AKAP7: variants seen among roughly 807,000 people sequenced by gnomAD.
The protein encoded by AKAP7 is A-kinase anchoring protein 7.
In AKAP7, 39 loss-of-function variants were observed where a neutral mutation model predicts 39.5. The ratio of observed to expected loss-of-function variants is 0.99; its 90% CI spans 0.76 to 1.29. AKAP7 has a LOEUF of 1.29. Ranked by LOEUF, AKAP7 falls within the 50% of genes most tolerant of loss-of-function variation. The pLI is 0.00. For missense variants in AKAP7, 414 were observed against 407.7 expected (o/e 1.02, Z -0.13); for synonymous variants, 140 against 139.1 (o/e 1.01, Z -0.05).
intron 2 of AKAP7, among the ~76,000 whole-genome samples, chr6:131,150,741 G>A (rs755327142): frequency 2.0e-5 from 3 of 152,198 alleles, no homozygotes; most frequent in Non-Finnish European, 4.4e-5. Flanking sequence ...AGTTCAGCTA[G>A]TGTGTACTTT....
intron 6 of AKAP7, among the ~76,000 whole-genome samples, chr6:131,207,424 A>G (rs894459062): frequency 6.8e-6 from 1 of 147,712 alleles, no homozygotes; most frequent in African/African-American, 2.5e-5. Context: ...GGCTCAAATG[A>G]TCCTCCTGCC....
At chr6:131,250,522 G>A (rs368403607) in intron 7 of AKAP7, 2 of 1,613,508 alleles carry the variant, frequency 1.2e-6, no homozygotes. Context: ...TCTATTTGGG[G>A]TCCTCACGGA....
intron 1 of AKAP7, among the ~76,000 whole-genome samples, chr6:131,140,343 CTT>C (rs1800926519): frequency 6.6e-6 from 1 of 152,076 alleles, no homozygotes; most frequent in African/African-American, 2.4e-5. Flanking sequence ...GTGATTCTCT[CTT>C]TGGTATAGCC....
At chr6:131,216,846 T>G (rs1018919550) in intron 6 of AKAP7, among the ~76,000 whole-genome samples, 1 of 152,178 alleles carries the variant, frequency 6.6e-6, no homozygotes, top group Admixed American at 6.5e-5. Context: ...AAAAATAACC[T>G]TCTAAGGACT....
intron 7 of AKAP7, among the ~76,000 whole-genome samples, chr6:131,277,048 T>A (rs187259122): frequency 1.4e-3 from 206 of 152,318 alleles, no homozygotes; most frequent in African/African-American, 4.7e-3. Flanking sequence ...ATAAATTTTA[T>A]CCCTGCAATG....
At chr6:131,224,127 C>T (rs377446716) in intron 7 of AKAP7, among the ~76,000 whole-genome samples, 23 of 152,162 alleles carry the variant, frequency 1.5e-4, no homozygotes, top group African/African-American at 3.1e-4. Flanking sequence ...TCACATTTGG[C>T]GATGACAATA....
intron 1 of AKAP7, among the ~76,000 whole-genome samples, chr6:131,144,230 A>G (rs1801295579): frequency 6.6e-6 from 1 of 150,550 alleles, no homozygotes; most frequent in Non-Finnish European, 1.5e-5. Flanking sequence ...TTTCTATTCC[A>G]CAAAACCGCC....
At chr6:131,168,739 G>C (rs1176432848) in intron 4 of AKAP7, among the ~76,000 whole-genome samples, 3 of 152,104 alleles carry the variant, frequency 2.0e-5, no homozygotes, top group African/African-American at 7.2e-5. Flanking sequence ...CAAAAATCTA[G>C]AACTTGACAC....
chr6:131,134,436 G>A (rs1463417783), upstream of AKAP7, among the ~76,000 whole-genome samples: 6 of 152,118 alleles, frequency 3.9e-5, no homozygotes, highest in Non-Finnish European at 8.8e-5. Context: ...ATTTGGGGTG[G>A]CATATTCTCA....
chr6:131,222,424 G>A (rs1809786804), intron 7 of AKAP7, among the ~76,000 whole-genome samples: 1 of 152,110 alleles, frequency 6.6e-6, no homozygotes, highest in Non-Finnish European at 1.5e-5. Context: ...CTACTCGGGA[G>A]GCTGAGGCAG....
intron 7 of AKAP7, among the ~76,000 whole-genome samples, chr6:131,233,683 C>T (rs1048558867): frequency 3.3e-5 from 5 of 152,040 alleles, no homozygotes; most frequent in African/African-American, 1.2e-4. Context: ...TAGGAAAAAC[C>T]TTGAACTCTA....
chr6:131,148,920 T>C (rs770787240), intron 2 of AKAP7, among the ~76,000 whole-genome samples: 4 of 152,104 alleles, frequency 2.6e-5, no homozygotes, highest in Non-Finnish European at 5.9e-5. Context: ...AGGTTGTTTG[T>C]TGCCTATGAT....
chr6:131,169,025 C>A, intron 4 of AKAP7, 88 bp from the exon 5 acceptor site: 1 of 1,164,684 alleles, frequency 8.6e-7, no homozygotes, highest in Non-Finnish European at 1.2e-6. Flanking sequence ...CAAAATTCAT[C>A]TTTCTAAAAC....
chr6:131,146,662 G>GC (rs1025028639), intron 2 of AKAP7, among the ~76,000 whole-genome samples: 4 of 152,166 alleles, frequency 2.6e-5, no homozygotes, highest in Admixed American at 6.6e-5. Context: ...CTTACGTAAA[G>GC]CCTTGCTGTG....
Position 131,281,688 on chromosome 6 carries a change from G to T in AKAP7, c.1009G>T (p.Asp337Tyr), listed in dbSNP as rs34423413. The change falls in exon 8 of 8, where the codon GAT becomes TAT. Residue 337 changes from aspartate (D) to tyrosine (Y), a missense_variant. Coordinates refer to ENST00000431975, the MANE Select transcript of AKAP7 (RefSeq NM_016377.4). The surrounding 1 kb of genome is among the most constrained non-coding windows in gnomAD (Gnocchi z 4.0). ...EGSSVKTEAA[D>Y]QNGNDNENNR... ...GAGCTCTGTGAAAACCGAAGCAGCTGATCAGAATGGCAATGACAATGAGAA... is the reference window on the plus strand; with the variant it reads ...GAGCTCTGTGAAAACCGAAGCAGCTTATCAGAATGGCAATGACAATGAGAA... The T allele has an allele frequency of 3.7e-6, 6 of 1,612,374 alleles. No individual in the cohort carries two copies. In the African/African-American group the frequency reaches 8.0e-5, roughly 22 times the overall value.
intron 7 of AKAP7, among the ~76,000 whole-genome samples, chr6:131,278,762 A>G (rs544653675): frequency 5.9e-4 from 90 of 152,364 alleles, no homozygotes; most frequent in African/African-American, 2.2e-3. Context: ...TCCATGATCC[A>G]GTTACCTCCC....
chr6:131,255,166 C>T (rs1812743153), intron 7 of AKAP7, among the ~76,000 whole-genome samples: 1 of 152,166 alleles, frequency 6.6e-6, no homozygotes, highest in East Asian at 1.9e-4. Flanking sequence ...TCTGCTCTAT[C>T]TTATCACATG....
At chr6:131,256,781 C>T (rs549045850) in intron 7 of AKAP7, among the ~76,000 whole-genome samples, 1 of 151,848 alleles carries the variant, frequency 6.6e-6, no homozygotes, top group Non-Finnish European at 1.5e-5. Context: ...CTCAAGTGAT[C>T]CTCCCACCTC....
chr6:131,137,546 C>T (rs951475496), intron 1 of AKAP7: 4 of 152,166 alleles, frequency 2.6e-5, no homozygotes, highest in Non-Finnish European at 5.9e-5. Context: ...CCACGCCCGG[C>T]TAATTTTTTG....
Sources: gnomAD v4.1 joint callset for allele counts (sites outside exome capture counted in the v4.1 genomes callset) on GRCh38, gnomAD v4.1.1 for gene constraint, Gnocchi (gnomAD v3.1) non-coding constraint, MANE v1.5 for transcripts, NCBI Gene and HGNC (gene_info 2026-07-23, HGNC 2026-07-21) for gene names.